TBCA: variants seen among roughly 807,000 people sequenced by gnomAD.
TBCA encodes the protein tubulin-specific chaperone A.
Under a neutral mutation model 15.8 loss-of-function variants are expected in TBCA, and 6 were observed. The observed-to-expected ratio is 0.38, with a 90% CI of 0.21 to 0.75. The LOEUF (loss-of-function observed/expected upper bound fraction) is 0.75, where lower values mean the gene tolerates loss of function less well. Ranked by LOEUF, TBCA falls within the 30% of genes least tolerant of loss-of-function variation. TBCA has a pLI of 0.46. For synonymous variants in TBCA, 32 were observed against 42.3 expected (o/e 0.76, Z 0.94); for missense variants, 90 against 131.2 (o/e 0.69, Z 1.53).
chr5:77,756,708 A>G (rs1202008009), intron 1 of TBCA, among the ~76,000 whole-genome samples: 1 of 151,868 alleles, frequency 6.6e-6, no homozygotes, highest in African/African-American at 2.4e-5. Context: ...CTCATCCACC[A>G]TTACACACAC....
intron 1 of TBCA, among the ~76,000 whole-genome samples, chr5:77,736,335 C>CAA (rs34100013): frequency 8.3e-4 from 75 of 90,226 alleles, no homozygotes; most frequent in African/African-American, 2.7e-3. Flanking sequence ...GACTCCGTCT[C>CAA]AAAAAAAAAA....
intron 1 of TBCA, among the ~76,000 whole-genome samples, chr5:77,738,772 A>C (rs1746968142): frequency 1.3e-5 from 2 of 152,162 alleles, no homozygotes; most frequent in African/African-American, 4.8e-5. Context: ...TAGTAGAGAC[A>C]GGGTTTCACC....
chr5:77,750,897 G>A (rs1747309913), intron 1 of TBCA, among the ~76,000 whole-genome samples: 1 of 152,118 alleles, frequency 6.6e-6, no homozygotes, highest in Admixed American at 6.5e-5. Context: ...GTGCTTCCAG[G>A]TCATCGGTAG....
At chr5:77,723,124 T>C (rs1418681324) in intron 1 of TBCA, among the ~76,000 whole-genome samples, 3 of 151,818 alleles carry the variant, frequency 2.0e-5, no homozygotes, top group Non-Finnish European at 2.9e-5. Flanking sequence ...ATAGTAACAT[T>C]ATAATGGCTG....
chr5:77,739,190 G>A (rs546634303), intron 1 of TBCA, among the ~76,000 whole-genome samples: 1 of 152,292 alleles, frequency 6.6e-6, no homozygotes, highest in South Asian at 2.1e-4. Context: ...GCTGGGCACA[G>A]TGGCTCATGC....
rs563270192 is a variant in TBCA at position 77,772,453 on chromosome 5, T to C, written c.53+3752A>G. On this transcript the variant is annotated intron_variant, in intron 1 of 3. Coordinates refer to ENST00000380377, the MANE Select transcript of TBCA (RefSeq NM_004607.3). Reference sequence around the variant, plus strand: ...AACAAAACTGCACGTTCAGCACATGTATCCCAGAACTTAAAGTAAAATAAA... The same window carrying C: ...AACAAAACTGCACGTTCAGCACATGCATCCCAGAACTTAAAGTAAAATAAA... 7.9e-5 allele frequency among the ~76,000 whole-genome samples: 12 copies of C among 152,108 alleles called. No individual in the cohort carries two copies. In the South Asian group the frequency reaches 2.3e-3, roughly 29 times the overall value.
chr5:77,744,526 T>G (rs910477882), intron 1 of TBCA, among the ~76,000 whole-genome samples: 8 of 140,004 alleles, frequency 5.7e-5, no homozygotes, highest in Non-Finnish European at 9.0e-5. Context: ...GAATGTCTTA[T>G]TCACCTTTTT....
rs193228263 is a variant in TBCA, at chr5:77,739,263, C to T, written c.54-30916G>A. 7.2e-5 allele frequency among the ~76,000 whole-genome samples: 11 copies of T among 152,080 alleles called. No individual in the cohort carries two copies. In the East Asian group the frequency reaches 2.0e-3, roughly 27 times the overall value. ...ATCACCTGAGGTCAGGAGTTTAAGA[C>T]CAGACTGGCCAACATGGTGAACCCT... On this transcript the variant is annotated intron_variant, in intron 1 of 3. Transcript: ENST00000380377.
intron 1 of TBCA, among the ~76,000 whole-genome samples, chr5:77,759,328 C>A (rs918055475): frequency 3.9e-5 from 6 of 151,936 alleles, no homozygotes; most frequent in African/African-American, 1.5e-4. Context: ...GCAGATGAAG[C>A]CTCCAGGTAG....
chr5:77,763,204 A>T (rs1747686990), intron 1 of TBCA, among the ~76,000 whole-genome samples: 1 of 152,184 alleles, frequency 6.6e-6, no homozygotes, highest in Non-Finnish European at 1.5e-5. Context: ...AGATTGCGCC[A>T]CTGCACTCCT....
In TBCA at chr5:77,746,467, C is replaced by T. The variant is rs375997624; in HGVS notation, c.53+29738G>A. 3.0e-4 allele frequency among the ~76,000 whole-genome samples: 46 copies of T among 152,202 alleles called. 1 individual carries two copies. In the East Asian group the frequency reaches 6.7e-3, roughly 22 times the overall value. On this transcript the variant is annotated intron_variant, in intron 1 of 3. Coordinates refer to ENST00000380377, the MANE Select transcript of TBCA (RefSeq NM_004607.3). ...AAGATTGTCATACTATGCACTTGAT[C>T]TTAATCAAAAGACTAATCCTAGCAA...
At chr5:77,771,380 C>T (rs966394562) in intron 1 of TBCA, among the ~76,000 whole-genome samples, 1 of 152,206 alleles carries the variant, frequency 6.6e-6, no homozygotes, top group African/African-American at 2.4e-5. Context: ...GTCCAACTCT[C>T]ACCTTCTAAG....
intron 1 of TBCA, among the ~76,000 whole-genome samples, chr5:77,723,775 T>G (rs1204273389): frequency 6.6e-6 from 1 of 152,066 alleles, no homozygotes; most frequent in East Asian, 1.9e-4. Flanking sequence ...TAATAGATAC[T>G]GCGTATCTTA....
chr5:77,741,505 C>T (rs1403015765), intron 1 of TBCA, among the ~76,000 whole-genome samples: 2 of 151,938 alleles, frequency 1.3e-5, no homozygotes, highest in African/African-American at 4.8e-5. Flanking sequence ...CAAAGAGCAC[C>T]TGATCCTACC....
chr5:77,703,613 G>T (rs973375587), intron 2 of TBCA, among the ~76,000 whole-genome samples: 7 of 151,996 alleles, frequency 4.6e-5, no homozygotes, highest in African/African-American at 1.5e-4. Context: ...GCCTCACTCT[G>T]TCACCCAGGC....
At chr5:77,772,118 A>G (rs1199977599) in intron 1 of TBCA, among the ~76,000 whole-genome samples, 1 of 152,046 alleles carries the variant, frequency 6.6e-6, no homozygotes, top group Non-Finnish European at 1.5e-5. Context: ...AATCCCTTTC[A>G]CAAAAGCAAG....
At chr5:77,700,845 G>A (rs1745994627) in intron 2 of TBCA, among the ~76,000 whole-genome samples, 2 of 152,094 alleles carry the variant, frequency 1.3e-5, no homozygotes, top group Admixed American at 1.3e-4. Flanking sequence ...TCAACAAATG[G>A]GGCTGGGACA....
chr5:77,691,722 T>C, intron 3 of TBCA: 1 of 1,210,344 alleles, frequency 8.3e-7, no homozygotes, highest in Non-Finnish European at 1.0e-6. Flanking sequence ...CTGTATATAT[T>C]CTCATAAAAT....
At chr5:77,744,569 C>T (rs1161575871) in intron 1 of TBCA, among the ~76,000 whole-genome samples, 4 of 111,562 alleles carry the variant, frequency 3.6e-5, no homozygotes, top group Non-Finnish European at 6.6e-5. Flanking sequence ...CAGAGTCTTG[C>T]TCTGTCACCA....
Sources: allele counts gnomAD v4.1 joint callset (sites outside exome capture counted in the v4.1 genomes callset), GRCh38; gene constraint gnomAD v4.1.1; transcripts MANE v1.5; gene names NCBI Gene and HGNC (gene_info 2026-07-23, HGNC 2026-07-21).